The following YLPM1 variants were observed in gnomAD, a reference collection of about 807,000 sequenced individuals.
YLPM1 encodes the protein YLP motif containing 1, also known as YLP motif-containing protein 1.
A neutral mutation model predicts 230.0 loss-of-function variants in YLPM1; 99 were observed. That is an observed-to-expected ratio of 0.43 (90% CI 0.37 to 0.51). The LOEUF is 0.51. YLPM1 is among the 20% of genes least tolerant of loss of function. The probability of loss-of-function intolerance (pLI) is 0.00; values close to 1 mark genes in which losing one functional copy is unlikely to be tolerated. For missense variants in YLPM1, 2,592 were observed against 2,707.7 expected (o/e 0.96, Z 0.95); for synonymous variants, 984 against 942.5 (o/e 1.04, Z -0.81).
chr14:74,811,155 A>G (rs1043491944), intron 9 of YLPM1, among the ~76,000 whole-genome samples: 1 of 152,102 alleles, frequency 6.6e-6, no homozygotes, highest in African/African-American at 2.4e-5. Context: ...ATGTATGTAT[A>G]TAAAGTAAAT....
Position 74,798,891 on chromosome 14 carries a change from G to A in YLPM1, c.3594G>A (p.Glu1198=), listed in dbSNP as rs2091293541. 1.2e-6 allele frequency: 2 copies of A among 1,613,794 alleles called. No individual in the cohort carries two copies. The highest frequency in any genetic ancestry group is 1.7e-6 in the Non-Finnish European group (2 of 1,179,874). ...PPRAPWNHGE[E]RGHEEFPLDG... is the part of the protein sequence containing the mutation. ...GGGCTCCATGGAACCATGGAGAAGA[G>A]CGAGGGCATGAAGAGTTTCCATTAG... Residue 1198 remains glutamate, a synonymous_variant, in exon 5 of 21, where the codon GAG becomes GAA. Transcript: ENST00000325680.
rs749483295 is a variant in YLPM1, at chr14:74,763,825, G to A, written c.336G>A (p.Gly112=). 1.3e-6 allele frequency: 2 copies of A among 1,508,118 alleles called. No homozygotes were observed. Among genetic ancestry groups the A allele is most frequent in the African/African-American group, 2.8e-5 (2 of 70,796 alleles). 93.4% of individuals were successfully genotyped at this position (1,508,118 alleles called of 1,614,324 possible). ...PPPPPMPPPP[G]PALSYQKQQQ... is the part of the protein sequence containing the mutation. ...CGCCACCGATGCCCCCGCCACCCGGGCCGGCCCTCAGCTATCAGAAGCAGC... is the reference window on the plus strand; with the variant it reads ...CGCCACCGATGCCCCCGCCACCCGGACCGGCCCTCAGCTATCAGAAGCAGC... The change falls in exon 1 of 21, where the codon GGG becomes GGA. Residue 112 remains glycine (G), a synonymous_variant. Coordinates refer to ENST00000325680, the MANE Select transcript of YLPM1 (RefSeq NM_019589.3).
At chr14:74,774,754 G>C (rs982760989) in intron 1 of YLPM1, among the ~76,000 whole-genome samples, 52 of 151,892 alleles carry the variant, frequency 3.4e-4, no homozygotes, top group African/African-American at 9.7e-4. Flanking sequence ...ATGTTGGCCA[G>C]GCTGGTCTTG....
intron 18 of YLPM1, chr14:74,827,370 A>T: frequency 1.0e-6 from 1 of 985,406 alleles, no homozygotes; most frequent in Non-Finnish European, 1.2e-6. Context: ...TTTGGTTTCC[A>T]GTATGCCATG....
chr14:74,785,122 A>T (rs2091134154), intron 4 of YLPM1, among the ~76,000 whole-genome samples: 1 of 152,314 alleles, frequency 6.6e-6, no homozygotes, highest in African/African-American at 2.4e-5. Flanking sequence ...TTATTAAGCC[A>T]AGTCTCTCTT....
Position 74,836,416 on chromosome 14 carries a change from C to A in YLPM1, c.*678C>A, listed in dbSNP as rs1031536932. 1 of 152,170 alleles carries A rather than the reference C, an allele frequency of 6.6e-6. No individual in the cohort carries two copies. The highest frequency in any genetic ancestry group is 2.4e-5 in the African/African-American group (1 of 41,434). 9.4% of individuals were successfully genotyped at this position (152,170 alleles called of 1,614,324 possible). On this transcript the variant is annotated 3_prime_UTR_variant, in exon 21 of 21. Transcript: ENST00000325680. The stretch of plus-strand genomic sequence containing the variant: ...TCTATCTTTGTGTCTTGAAGACTGA[C>A]CAAGTTCAAATATTCATCAGTTCCC...
chr14:74,829,562 C>CAACCAT (rs1250774683), intron 19 of YLPM1, among the ~76,000 whole-genome samples: 3 of 152,110 alleles, frequency 2.0e-5, no homozygotes, highest in African/African-American at 7.2e-5. Context: ...ATGGCTAGCA[C>CAACCAT]GTTGTCAACC....
chr14:74,765,681 A>G (rs1033097152), intron 1 of YLPM1, among the ~76,000 whole-genome samples: 11 of 152,332 alleles, frequency 7.2e-5, no homozygotes, highest in Middle Eastern at 3.4e-3. Flanking sequence ...TCACTCTACT[A>G]GACTGTTTTT....
At chr14:74,786,244 C>A (rs910082169) in intron 4 of YLPM1, among the ~76,000 whole-genome samples, 9 of 151,860 alleles carry the variant, frequency 5.9e-5, no homozygotes, top group African/African-American at 1.9e-4. Context: ...CGCCTGTAGT[C>A]CCAGCTACTT....
At chr14:74,787,586 AAG>A (rs1322767035) in intron 4 of YLPM1, among the ~76,000 whole-genome samples, 5 of 150,722 alleles carry the variant, frequency 3.3e-5, no homozygotes, top group Non-Finnish European at 5.9e-5. Context: ...AAAAAAAAAA[AAG>A]AAACTAAACG....
chr14:74,820,691 T>TA (rs2091514337), intron 16 of YLPM1, among the ~76,000 whole-genome samples: 1 of 152,256 alleles, frequency 6.6e-6, no homozygotes, highest in South Asian at 2.1e-4. Flanking sequence ...CTTTTCACTA[T>TA]ACTTTTTCTT....
chr14:74,763,465 C>T lies in YLPM1; in HGVS notation c.-25C>T. 7.1e-7 allele frequency: 1 copy of T among 1,411,606 alleles called. No homozygotes were observed. The highest frequency in any genetic ancestry group is 9.3e-7 in the Non-Finnish European group (1 of 1,076,864). The allele number at this position is 1,411,606 out of a possible 1,614,324, so 87.4% of individuals were successfully genotyped here. A position where few individuals can be genotyped will look rare whatever the true frequency, so the allele number is the denominator to read the frequency against. ...GTTGCGACGAGTAACGGCGCCAGGA[C>T]GAGCCCTGCGCCTTCTTTTTCGATA... On this transcript the variant is annotated 5_prime_UTR_variant, in exon 1 of 21. It adds an upstream start codon to the 5' untranslated region. Coordinates refer to ENST00000325680, the MANE Select transcript of YLPM1 (RefSeq NM_019589.3).
At chr14:74,830,572 G>A (rs947010652) in intron 19 of YLPM1, among the ~76,000 whole-genome samples, 2 of 152,144 alleles carry the variant, frequency 1.3e-5, no homozygotes, top group African/African-American at 4.8e-5. Flanking sequence ...GTCCGTTTGC[G>A]TTGCTATAAA....
At chr14:74,769,815 G>C (rs1413897199) in intron 1 of YLPM1, among the ~76,000 whole-genome samples, 2 of 151,430 alleles carry the variant, frequency 1.3e-5, no homozygotes, top group African/African-American at 4.9e-5. Flanking sequence ...ATTAGAGGCC[G>C]GGAGTTCAAG....
chr14:74,812,436 A>G (rs1179563668), intron 10 of YLPM1, among the ~76,000 whole-genome samples, 192 bp from the exon 11 acceptor site: 1 of 152,216 alleles, frequency 6.6e-6, no homozygotes, highest in Non-Finnish European at 1.5e-5. Context: ...CTGAAATCAT[A>G]CTTAAATCTT....
intron 1 of YLPM1, among the ~76,000 whole-genome samples, chr14:74,766,204 C>T (rs1329627448): frequency 2.0e-5 from 3 of 152,086 alleles, no homozygotes; most frequent in Admixed American, 6.6e-5. Flanking sequence ...GAATAAAATA[C>T]GAGAGTTGTC....
intron 19 of YLPM1, among the ~76,000 whole-genome samples, chr14:74,832,503 A>T (rs554290014): frequency 6.6e-6 from 1 of 152,032 alleles, no homozygotes; most frequent in East Asian, 1.9e-4. Flanking sequence ...ACAGAGTCTC[A>T]CTCTGTTGCC....
At chr14:74,817,916 C>T (rs976395613) in intron 15 of YLPM1, among the ~76,000 whole-genome samples, 4 of 151,828 alleles carry the variant, frequency 2.6e-5, no homozygotes, top group Non-Finnish European at 4.4e-5. Context: ...ATTAGCTGGG[C>T]ATGGTGTCAT....
At chr14:74,832,672 C>A (rs1271824782) in intron 19 of YLPM1, among the ~76,000 whole-genome samples, 1 of 152,092 alleles carries the variant, frequency 6.6e-6, no homozygotes, top group African/African-American at 2.4e-5. Context: ...GGGGTTTCGC[C>A]ATGTTGGCCA....
Sources: gnomAD v4.1 joint callset for allele counts (sites outside exome capture counted in the v4.1 genomes callset) on GRCh38, gnomAD v4.1.1 for gene constraint, MANE v1.5 for transcripts, NCBI Gene and HGNC (gene_info 2026-07-23, HGNC 2026-07-21) for gene names.